SEPTIN7: variants seen among roughly 807,000 people sequenced by gnomAD.
SEPTIN7 encodes the protein septin-7.
SEPTIN7 carries 10 observed loss-of-function variants against 63.3 expected under a neutral mutation model. That is an observed-to-expected ratio of 0.16 (90% CI 0.10 to 0.27). The LOEUF (loss-of-function observed/expected upper bound fraction) is 0.27. Among genes scored for constraint, SEPTIN7 ranks in the 10% least tolerant of loss-of-function variants. The pLI is 1.00. For missense variants in SEPTIN7, 310 were observed against 521.0 expected (o/e 0.59, Z 3.94); for synonymous variants, 131 against 165.3 (o/e 0.79, Z 1.59).
intron 3 of SEPTIN7, among the ~76,000 whole-genome samples, chr7:35,861,218 T>C (rs1785490442): frequency 6.6e-6 from 1 of 152,236 alleles, no homozygotes; most frequent in African/African-American, 2.4e-5. Flanking sequence ...TTCACTTTTT[T>C]CTTTAGCTCT....
In SEPTIN7 at chr7:35,842,338, C is replaced by G. The variant is rs1255624986; in HGVS notation, c.169+9438C>G. Among the ~76,000 whole-genome samples the G allele has an allele frequency of 2.2e-5, 3 of 133,850 alleles. No individual in the cohort carries two copies. In the East Asian group the frequency reaches 7.0e-4, roughly 31 times the overall value. The allele number at this position is 133,850 out of a possible 152,430, so 87.8% of individuals were successfully genotyped here. A position where few individuals can be genotyped will look rare whatever the true frequency, so the allele number is the denominator to read the frequency against. ...GCCAACCTTGTTAATTTTACTCAAACTTTGTTTTTGAAAAAAAAAAAACCC... is the reference window on the plus strand; with the variant it reads ...GCCAACCTTGTTAATTTTACTCAAAGTTTGTTTTTGAAAAAAAAAAAACCC... On this transcript the variant is annotated intron_variant, in intron 3 of 13. Coordinates refer to ENST00000350320, the MANE Select transcript of SEPTIN7 (RefSeq NM_001788.6).
At chr7:35,822,486 G>C (rs1789485178) in intron 1 of SEPTIN7, among the ~76,000 whole-genome samples, 1 of 152,130 alleles carries the variant, frequency 6.6e-6, no homozygotes. Context: ...TCCCTTGAAT[G>C]AACAGTTCAC....
intron 6 of SEPTIN7, among the ~76,000 whole-genome samples, chr7:35,876,150 G>T (rs1417695508): frequency 1.3e-5 from 2 of 152,076 alleles, no homozygotes; most frequent in Non-Finnish European, 2.9e-5. Flanking sequence ...TTATATTTAA[G>T]AAGTTGACTT....
At chr7:35,894,928 A>G (rs547814843) in intron 11 of SEPTIN7, among the ~76,000 whole-genome samples, 9 of 152,178 alleles carry the variant, frequency 5.9e-5, no homozygotes, top group African/African-American at 2.2e-4. Context: ...ACATGAAGGG[A>G]TGTGGCTTGC....
intron 1 of SEPTIN7, among the ~76,000 whole-genome samples, chr7:35,814,189 A>G (rs1260042025): frequency 6.6e-6 from 1 of 152,180 alleles, no homozygotes; most frequent in Non-Finnish European, 1.5e-5. Flanking sequence ...TTTAATTTTT[A>G]AATTGCAAAA....
At chr7:35,801,997 A>AT (rs1275226061) in intron 1 of SEPTIN7, among the ~76,000 whole-genome samples, 1 of 151,962 alleles carries the variant, frequency 6.6e-6, no homozygotes, top group Non-Finnish European at 1.5e-5. Context: ...TTGGTTTGGA[A>AT]TTTGGGCTTA....
intron 1 of SEPTIN7, among the ~76,000 whole-genome samples, chr7:35,824,009 CTT>C (rs536161729): frequency 1.1e-4 from 15 of 141,346 alleles, no homozygotes; most frequent in Admixed American, 2.1e-4. Context: ...AACCATCTGC[CTT>C]TTTTTTTTTT....
intron 1 of SEPTIN7, among the ~76,000 whole-genome samples, chr7:35,816,454 T>C (rs1269824771): frequency 6.6e-6 from 1 of 152,210 alleles, no homozygotes; most frequent in East Asian, 1.9e-4. Context: ...GTATATATAC[T>C]ACCATATTTC....
Position 35,890,681 on chromosome 7 carries a change from G to T in SEPTIN7, c.886G>T (p.Asp296Tyr). 1 of 1,569,988 alleles carries T rather than the reference G, an allele frequency of 6.4e-7. No individual in the cohort carries two copies. Among genetic ancestry groups the T allele is most frequent in the Non-Finnish European group, 8.6e-7 (1 of 1,161,830 alleles). The change falls in exon 11 of 14, where the codon GAC becomes TAC. Residue 296 changes from aspartate to tyrosine, a missense_variant. Asp to Tyr is a radical substitution (Grantham distance 160). Transcript: ENST00000350320. ...TGTTTATGACAGAACACACATGCAG[G>T]ACTTGAAAGATGTTACTAATAATGT... Reference protein sequence around the residue: ...RNMLIRTHMQDLKDVTNNVHY... With the variant: ...RNMLIRTHMQYLKDVTNNVHY...
chr7:35,803,623 C>T (rs1788139029), intron 1 of SEPTIN7, among the ~76,000 whole-genome samples: 1 of 152,206 alleles, frequency 6.6e-6, no homozygotes, highest in Non-Finnish European at 1.5e-5. Flanking sequence ...ATGTGTTTCA[C>T]ATTTTGAATT....
downstream of SEPTIN7, among the ~76,000 whole-genome samples, chr7:35,908,432 G>A (rs1458273097): frequency 6.6e-6 from 1 of 152,216 alleles, no homozygotes; most frequent in Non-Finnish European, 1.5e-5. Flanking sequence ...AGGGTCAAGT[G>A]AAAGGAGACC....
chr7:35,886,582 C>G (rs1787262247), intron 10 of SEPTIN7, among the ~76,000 whole-genome samples: 1 of 152,212 alleles, frequency 6.6e-6, no homozygotes, highest in South Asian at 2.1e-4. Context: ...GAGACACATT[C>G]ATTCCCCTCC....
intron 3 of SEPTIN7, among the ~76,000 whole-genome samples, chr7:35,844,607 CT>C (rs34242959): frequency 0.52 from 78,202 of 150,298 alleles, 23,329 homozygotes; most frequent in African/African-American, 0.84. Context: ...TTTACCTAGT[CT>C]TTTTTTTTTG....
rs1206171257 is a variant in SEPTIN7 at position 35,904,726 on chromosome 7, CA to C, written c.*434del. The C allele has an allele frequency of 6.5e-6, 1 of 152,874 alleles. No individual in the cohort carries two copies. The highest frequency in any genetic ancestry group is 6.6e-5 in the Admixed American group (1 of 15,240). 9.5% of individuals were successfully genotyped at this position (152,874 alleles called of 1,614,324 possible). On this transcript the variant is annotated 3_prime_UTR_variant, in exon 14 of 14. Coordinates refer to ENST00000350320, the MANE Select transcript of SEPTIN7 (RefSeq NM_001788.6). ...TACAATACAAAGGTTCCATTCAGTG[CA>C]GCATATACAATAATGTAATTTAGTC...
chr7:35,801,390 G>A (rs1787956579), intron 1 of SEPTIN7, 120 bp downstream of exon 1: 6 of 1,291,772 alleles, frequency 4.6e-6, no homozygotes, highest in African/African-American at 1.6e-5. Context: ...GCGGCGAGGG[G>A]AGCCGGGATG....
chr7:35,855,959 A>G (rs1347343985), intron 3 of SEPTIN7, among the ~76,000 whole-genome samples: 1 of 152,076 alleles, frequency 6.6e-6, no homozygotes, highest in Non-Finnish European at 1.5e-5. Context: ...GTTGTTTCCA[A>G]GTTTTTGCCT....
At chr7:35,858,766 C>T (rs1467354280) in intron 3 of SEPTIN7, among the ~76,000 whole-genome samples, 5 of 151,654 alleles carry the variant, frequency 3.3e-5, no homozygotes, top group Non-Finnish European at 7.4e-5. Flanking sequence ...CTGCAACCTC[C>T]GCCTCCTGGG....
intron 11 of SEPTIN7, among the ~76,000 whole-genome samples, chr7:35,893,464 A>G (rs1481426098): frequency 6.6e-6 from 1 of 152,216 alleles, no homozygotes; most frequent in African/African-American, 2.4e-5. Context: ...GTTTCAGTCA[A>G]TGACCGACTG....
intron 3 of SEPTIN7, among the ~76,000 whole-genome samples, chr7:35,834,670 T>C (rs1472746868): frequency 2.0e-5 from 3 of 152,148 alleles, no homozygotes; most frequent in Non-Finnish European, 2.9e-5. Flanking sequence ...GTATTAAATA[T>C]TTTCATCTAT....
Sources: gnomAD v4.1 joint callset for allele counts (sites outside exome capture counted in the v4.1 genomes callset) on GRCh38, gnomAD v4.1.1 for gene constraint, MANE v1.5 for transcripts, NCBI Gene and HGNC (gene_info 2026-07-23, HGNC 2026-07-21) for gene names.